The following TNFSF14 variants were observed in gnomAD, a reference collection of about 807,000 sequenced individuals.
The protein encoded by TNFSF14 is TNF superfamily member 14, also known as tumor necrosis factor ligand superfamily member 14.
TNFSF14 carries 15 observed loss-of-function variants against 22.7 expected under a neutral mutation model. The observed-to-expected ratio is 0.66, with a 90% confidence interval of 0.44 to 1.02. The LOEUF (loss-of-function observed/expected upper bound fraction) is 1.02. Ranked by LOEUF, TNFSF14 falls within the 50% of genes least tolerant of loss-of-function variation. The probability of loss-of-function intolerance (pLI) is 0.00; values close to 1 mark genes in which losing one functional copy is unlikely to be tolerated. For synonymous variants in TNFSF14, 133 were observed against 139.6 expected (o/e 0.95, Z 0.33); for missense variants, 287 against 326.2 (o/e 0.88, Z 0.93).
chr19:6,666,931 G>T (rs1174180025), intron 3 of TNFSF14, among the ~76,000 whole-genome samples, 182 bp downstream of exon 3: 2 of 140,524 alleles, frequency 1.4e-5, no homozygotes, highest in Non-Finnish European at 3.2e-5. Flanking sequence ...TAAATAAATA[G>T]AAATAAAAAA....
In TNFSF14 at chr19:6,665,351, C is replaced by T; in HGVS notation, c.299-1G>A. 1.3e-6 allele frequency: 2 copies of T among 1,562,204 alleles called. No homozygotes were observed. The highest frequency in any genetic ancestry group is 8.7e-7 in the Non-Finnish European group (1 of 1,155,138). On this transcript the variant is annotated splice_acceptor_variant, in intron 3 of 3. Coordinates refer to ENST00000675206, the MANE Select transcript of TNFSF14 (RefSeq NM_001376887.1). LOFTEE classifies it high-confidence loss of function. The stretch of plus-strand genomic sequence containing the variant: ...CTGCCGGTCAAGCTGGAGTTGGCCC[C>T]TGTTGGGAAGAGAGAGACAAAGGGG...
At position 6,669,931 on chromosome 19, in the gene TNFSF14, T is replaced by G. The variant is rs1917551343; in HGVS notation, c.139A>C (p.Met47Leu). The G allele has an allele frequency of 6.2e-7, 1 of 1,613,454 alleles. No individual in the cohort carries two copies. Among genetic ancestry groups the G allele is most frequent in the African/African-American group, 1.3e-5 (1 of 74,734 alleles). The stretch of plus-strand genomic sequence containing the variant: ...CCTTGGACGGCCAGCCCGGCCCCCA[T>G]CAGCAACAGCAAGAGACCCAGACCC... ...RVGLGLLLLL[M>L]GAGLAVQGWF... The change falls in exon 1 of 4, where the codon ATG becomes CTG. Residue 47 changes from methionine (M) to leucine (L), a missense_variant. Met to Leu is a conservative substitution (Grantham distance 15). Transcript: ENST00000675206.
At chr19:6,667,373 T>A in intron 2 of TNFSF14, 40 bp downstream of exon 2, 2 of 1,516,108 alleles carry the variant, frequency 1.3e-6, no homozygotes, top group Non-Finnish European at 1.8e-6. Flanking sequence ...GGCATGGGAA[T>A]CATCACACCT....
In TNFSF14 at chr19:6,664,032, G is replaced by A. The variant is rs937721716; in HGVS notation, c.*894C>T. 2 of 152,182 alleles carry A rather than the reference G, an allele frequency of 1.3e-5. No homozygotes were observed. Among genetic ancestry groups the A allele is most frequent in the African/African-American group, 2.4e-5 (1 of 41,402 alleles). The allele number at this position is 152,182 out of a possible 1,614,324, so 9.4% of individuals were successfully genotyped here. On this transcript the variant is annotated 3_prime_UTR_variant, in exon 4 of 4. Coordinates refer to ENST00000675206, the MANE Select transcript of TNFSF14 (RefSeq NM_001376887.1). This position sits in a 1 kb window ranked among gnomAD's most constrained non-coding sequence, Gnocchi z 4.7. ...TCCCAGGACAGCTGGTTGTTAAACA[G>A]TTATGAGCACGCTGCCGTGCTCATG...
Position 6,664,960 on chromosome 19 carries a change from C to G in TNFSF14, c.689G>C (p.Gly230Ala). The change falls in exon 4 of 4, where the codon GGT becomes GCT. Residue 230 changes from glycine to alanine, a missense_variant. Gly to Ala is a moderately conservative substitution (Grantham distance 60). Transcript: ENST00000675206. This position sits in a 1 kb window ranked among gnomAD's most constrained non-coding sequence, Gnocchi z 4.7. ...GAAAGCCCCGAAGTAAGACCGGGTA[C>G]CATCACGCAGTCGAACCAGGCGTTC... is the stretch of plus-strand genomic sequence containing the variant. ...LDERLVRLRDGTRSYFGAFMV is the reference protein window; with the variant it reads ...LDERLVRLRDATRSYFGAFMV The G allele has an allele frequency of 6.2e-7, 1 of 1,607,918 alleles. No individual in the cohort carries two copies. Among genetic ancestry groups the G allele is most frequent in the East Asian group, 2.2e-5 (1 of 44,684 alleles).
rs779911148 is a variant in TNFSF14 at position 6,662,965 on chromosome 19, A to G, written c.*1961T>C. 6.6e-6 allele frequency: 1 copy of G among 152,092 alleles called. No homozygotes were observed. The highest frequency in any genetic ancestry group is 1.5e-5 in the Non-Finnish European group (1 of 68,022). 9.4% of individuals were successfully genotyped at this position (152,092 alleles called of 1,614,324 possible). ...TGAGCCAACTGGGTCCAGGTTCCTC[A>G]TCTGTAGAATGACCTCCATGGGTCA... On this transcript the variant is annotated 3_prime_UTR_variant, in exon 4 of 4. Transcript: ENST00000675206.
At chr19:6,667,666 C>T (rs956054196) in intron 1 of TNFSF14, among the ~76,000 whole-genome samples, 1 of 152,162 alleles carries the variant, frequency 6.6e-6, no homozygotes, top group East Asian at 1.9e-4. Context: ...AATGGAGTTA[C>T]GAATCGTGTC....
In TNFSF14 at chr19:6,667,168, G is replaced by T. The variant is rs1191859675; in HGVS notation, c.257-14C>A. On this transcript the variant is annotated splice_polypyrimidine_tract_variant and intron_variant, in intron 2 of 3. Coordinates refer to ENST00000675206, the MANE Select transcript of TNFSF14 (RefSeq NM_001376887.1). ...GAGACCTTCGCTCTGGGGAAAGAGGGTCAGAGGTTAGAGACGAAGACAGTG... is the reference window on the plus strand; with the variant it reads ...GAGACCTTCGCTCTGGGGAAAGAGGTTCAGAGGTTAGAGACGAAGACAGTG... 1 of 1,583,812 alleles carries T rather than the reference G, an allele frequency of 6.3e-7. No individual in the cohort carries two copies. The highest frequency in any genetic ancestry group is 8.6e-7 in the Non-Finnish European group (1 of 1,167,264).
intron 1 of TNFSF14, 122 bp from the exon 2 acceptor site, chr19:6,667,571 C>A: frequency 9.3e-7 from 1 of 1,079,860 alleles, no homozygotes. Flanking sequence ...GACACGTACA[C>A]AGGGCCACAT....
At position 6,666,897 on chromosome 19, in the gene TNFSF14, A is replaced by AAAATAAATAAATAAAT. The variant is rs3065920; in HGVS notation, c.298+200_298+215dup. On this transcript the variant is annotated intron_variant, in intron 3 of 3. Coordinates refer to ENST00000675206, the MANE Select transcript of TNFSF14 (RefSeq NM_001376887.1). ...TGGGCAACAGAGTGAGACTGTCTCA[A>AAAATAAATAAATAAAT]AAATAAATAAATAAATAAATAAATA... Among the ~76,000 whole-genome samples the AAAATAAATAAATAAAT allele has an allele frequency of 3.2e-4, 47 of 149,078 alleles. No homozygotes were observed. In the East Asian group the frequency reaches 7.1e-3, roughly 23 times the overall value.
Position 6,667,144 on chromosome 19 carries a change from A to G in TNFSF14, c.267T>C (p.Ser89=), listed in dbSNP as rs776392158. 1 of 1,593,734 alleles carries G rather than the reference A, an allele frequency of 6.3e-7. No homozygotes were observed. The highest frequency in any genetic ancestry group is 8.5e-7 in the Non-Finnish European group (1 of 1,172,524). The change falls in exon 3 of 4, where the codon TCT becomes TCC. Residue 89 remains serine (S), a synonymous_variant. Transcript: ENST00000675206. The part of the protein sequence containing the change: ...SWEQLIQERR[S]HEVNPAAHLT... Reference sequence around the variant, plus strand: ...GATGCGCTGCTGGGTTGACCTCGTGAGACCTTCGCTCTGGGGAAAGAGGGT... The same window carrying G: ...GATGCGCTGCTGGGTTGACCTCGTGGGACCTTCGCTCTGGGGAAAGAGGGT...
At position 6,664,869 on chromosome 19, in the gene TNFSF14, G is replaced by A; in HGVS notation, c.*57C>T. ...CTTCGTGAGTTTTCTTTCCCCTGAGGCACCCTCTGAGTTCTCCACGTGTCA... is the reference window on the plus strand; with the variant it reads ...CTTCGTGAGTTTTCTTTCCCCTGAGACACCCTCTGAGTTCTCCACGTGTCA... On this transcript the variant is annotated 3_prime_UTR_variant, in exon 4 of 4. Coordinates refer to ENST00000675206, the MANE Select transcript of TNFSF14 (RefSeq NM_001376887.1). This position sits in a 1 kb window ranked among gnomAD's most constrained non-coding sequence, Gnocchi z 4.7. 2.6e-6 allele frequency: 4 copies of A among 1,518,380 alleles called. No individual in the cohort carries two copies. Among genetic ancestry groups the A allele is most frequent in the Non-Finnish European group, 3.5e-6 (4 of 1,130,168 alleles). 94.1% of individuals were successfully genotyped at this position (1,518,380 alleles called of 1,614,324 possible).
intron 1 of TNFSF14, 45 bp downstream of exon 1, chr19:6,669,806 G>A: frequency 6.3e-7 from 1 of 1,596,908 alleles, no homozygotes; most frequent in Non-Finnish European, 8.5e-7. Flanking sequence ...ACACAGGGGA[G>A]CCCCCCTCAC....
rs1700081692 is a variant in TNFSF14, at chr19:6,662,245, G to C, written c.*2681C>G. On this transcript the variant is annotated 3_prime_UTR_variant, in exon 4 of 4. Transcript: ENST00000675206. ...GGGGTTTCGCCATGTTGGCCAGGCTGGTCTGGAGCTCCTGACCTCAGGTTA... is the reference window on the plus strand; with the variant it reads ...GGGGTTTCGCCATGTTGGCCAGGCTCGTCTGGAGCTCCTGACCTCAGGTTA... 6.6e-6 allele frequency: 1 copy of C among 152,170 alleles called. No homozygotes were observed. Among genetic ancestry groups the C allele is most frequent in the African/African-American group, 2.4e-5 (1 of 41,412 alleles). 9.4% of individuals were successfully genotyped at this position (152,170 alleles called of 1,614,324 possible). A position where few individuals can be genotyped will look rare whatever the true frequency, so the allele number is the denominator to read the frequency against.
chr19:6,670,514 C>A, upstream of TNFSF14: 1 of 175,676 alleles, frequency 5.7e-6, no homozygotes, highest in South Asian at 1.5e-4. Flanking sequence ...AGACAAGAAA[C>A]CTCGTAAACA....
Position 6,670,018 on chromosome 19 carries a change from C to T in TNFSF14, c.52G>A (p.Asp18Asn), listed in dbSNP as rs752768454. The T allele has an allele frequency of 2.5e-5, 40 of 1,614,196 alleles. No individual in the cohort carries two copies. The highest frequency in any genetic ancestry group is 1.6e-4 in the East Asian group (7 of 44,886). ...PSVFVVDGQT[D>N]IPFTRLGRSH... ...CGTCCCAGCCTCGTGAATGGGATGTCGGTCTGTCCATCCACCACAAACACT... is the reference window on the plus strand; with the variant it reads ...CGTCCCAGCCTCGTGAATGGGATGTTGGTCTGTCCATCCACCACAAACACT... The change falls in exon 1 of 4, where the codon GAC becomes AAC. Residue 18 changes from aspartate (D) to asparagine (N), a missense_variant. Physicochemically the swap from Asp to Asn is conservative, Grantham distance 23. Transcript: ENST00000675206.
intron 1 of TNFSF14, among the ~76,000 whole-genome samples, chr19:6,668,569 G>A (rs145518786): frequency 5.3e-5 from 8 of 152,176 alleles, no homozygotes; most frequent in East Asian, 1.9e-4. Context: ...AGCCAGGCAC[G>A]GTGGCGGATG....
In TNFSF14 at chr19:6,665,112, C is replaced by T. The variant is rs776587621; in HGVS notation, c.537G>A (p.Leu179=). The T allele has an allele frequency of 1.9e-6, 3 of 1,614,038 alleles. No individual in the cohort carries two copies. The highest frequency in any genetic ancestry group is 2.5e-6 in the Non-Finnish European group (3 of 1,179,928). Residue 179 remains leucine (L), a synonymous_variant, in exon 4 of 4, where the codon CTG becomes CTA. Transcript: ENST00000675206. ...RTPRYPEELE[L]LVSQQSPCGR... ...CGCAGGGTGACTGCTGGCTGACCAA[C>T]AGCTCCAGCTCCTCGGGGTAGCGGG...
At position 6,661,998 on chromosome 19, in the gene TNFSF14, T is replaced by G. The variant is rs1165589272; in HGVS notation, c.*2928A>C. ...GTGATGAGTTGTGGAATTTCCCACT[T>G]GTGGCATCACACTGGGGCTCAAAGA... On this transcript the variant is annotated 3_prime_UTR_variant, in exon 4 of 4. Transcript: ENST00000675206. 5 of 152,272 alleles carry G rather than the reference T, an allele frequency of 3.3e-5. No individual in the cohort carries two copies. The highest frequency in any genetic ancestry group is 5.9e-5 in the Non-Finnish European group (4 of 68,036). The allele number at this position is 152,272 out of a possible 1,614,324, so 9.4% of individuals were successfully genotyped here. A position where few individuals can be genotyped will look rare whatever the true frequency, so the allele number is the denominator to read the frequency against.
Sources: gnomAD v4.1 joint callset for allele counts (sites outside exome capture counted in the v4.1 genomes callset) on GRCh38, gnomAD v4.1.1 for gene constraint, Gnocchi (gnomAD v3.1) non-coding constraint, MANE v1.5 for transcripts, NCBI Gene and HGNC (gene_info 2026-07-23, HGNC 2026-07-21) for gene names.